The following TRA2A variants were observed in gnomAD, a reference collection of about 807,000 sequenced individuals.
The protein encoded by TRA2A is transformer 2 alpha homolog, also known as transformer-2 protein homolog alpha.
TRA2A carries 31 observed loss-of-function variants against 45.7 expected under a neutral mutation model. The ratio of observed to expected loss-of-function variants is 0.68; its 90% CI spans 0.51 to 0.92. The LOEUF (loss-of-function observed/expected upper bound fraction) is 0.92. Among genes scored for constraint, TRA2A ranks in the 40% least tolerant of loss-of-function variants. The pLI, the probability that TRA2A is intolerant of heterozygous loss-of-function variation, is 0.00. For synonymous variants in TRA2A, 132 were observed against 126.2 expected, an observed-to-expected ratio of 1.05 and a Z score of -0.31; for missense variants, 304 against 367.5, an observed-to-expected ratio of 0.83 and a Z score of 1.41.
intron 2 of TRA2A, among the ~76,000 whole-genome samples, chr7:23,519,370 G>A (rs1158590400): frequency 1.3e-5 from 2 of 151,938 alleles, no homozygotes; most frequent in Non-Finnish European, 2.9e-5. Flanking sequence ...GCGACAGAGT[G>A]AGACTCCGTC....
chr7:23,519,263 G>A (rs1028199240), intron 2 of TRA2A, among the ~76,000 whole-genome samples: 1 of 152,060 alleles, frequency 6.6e-6, no homozygotes, highest in Non-Finnish European at 1.5e-5. Flanking sequence ...TGTTGGTGGC[G>A]TGTGCCTGTA....
chr7:23,529,168 A>G (rs1436070867), intron 1 of TRA2A, among the ~76,000 whole-genome samples: 1 of 152,196 alleles, frequency 6.6e-6, no homozygotes, highest in Non-Finnish European at 1.5e-5. Flanking sequence ...AGCTGTATTG[A>G]GGCAAACAAC....
chr7:23,513,364 T>TCCCAGCA (rs758415357), intron 3 of TRA2A, among the ~76,000 whole-genome samples: 1 of 152,178 alleles, frequency 6.6e-6, no homozygotes, highest in Non-Finnish European at 1.5e-5. Context: ...AATCTTGTAA[T>TCCCAGCA]CCCAGCATTT....
At chr7:23,524,539 A>C (rs1178630191) in intron 1 of TRA2A, among the ~76,000 whole-genome samples, 3 of 152,058 alleles carry the variant, frequency 2.0e-5, no homozygotes, top group African/African-American at 7.2e-5. Flanking sequence ...GGTGTCACAA[A>C]TACCTAACCT....
intron 4 of TRA2A, among the ~76,000 whole-genome samples, chr7:23,509,013 CAT>C (rs1229132462): frequency 6.6e-6 from 1 of 151,812 alleles, no homozygotes; most frequent in African/African-American, 2.4e-5. Flanking sequence ...CTCTCACACA[CAT>C]ATATATATTT....
rs567187750 is a variant in TRA2A at position 23,511,370 on chromosome 7, C to CAAAAAAAAAAA, written c.525+1513_525+1523dup. Among the ~76,000 whole-genome samples the CAAAAAAAAAAA allele has an allele frequency of 5.2e-4, 21 of 40,108 alleles. 2 individuals carry two copies. Among genetic ancestry groups the CAAAAAAAAAAA allele is most frequent in the South Asian group, 1.4e-3 (1 of 720 alleles). 26.3% of individuals were successfully genotyped at this position (40,108 alleles called of 152,430 possible). ...TGGGCGACAGAGCGAGACTCCATCT[C>CAAAAAAAAAAA]AAAAAAAAAAAAAAAAAAAAAAAAA... is the stretch of plus-strand genomic sequence containing the variant. On this transcript the variant is annotated intron_variant, in intron 4 of 7. Transcript: ENST00000297071.
At chr7:23,525,449 G>T (rs901034560) in intron 1 of TRA2A, among the ~76,000 whole-genome samples, 4 of 152,126 alleles carry the variant, frequency 2.6e-5, no homozygotes, top group Admixed American at 1.3e-4. Flanking sequence ...AAAATACACT[G>T]CCCGGTTTAA....
At chr7:23,511,422 A>G (rs1229692656) in intron 4 of TRA2A, among the ~76,000 whole-genome samples, 1 of 141,304 alleles carries the variant, frequency 7.1e-6, no homozygotes, top group Non-Finnish European at 1.5e-5. Context: ...AAAAGAAAAG[A>G]AAAGAAAAAC....
chr7:23,522,024 T>A (rs1790158275), intron 1 of TRA2A, 184 bp from the exon 2 acceptor site: 3 of 1,400,904 alleles, frequency 2.1e-6, no homozygotes, highest in Non-Finnish European at 2.8e-6. Flanking sequence ...CCTCAATAAT[T>A]CCCTACTTGA....
chr7:23,510,224 C>A (rs1291093733), intron 4 of TRA2A, among the ~76,000 whole-genome samples: 4 of 152,178 alleles, frequency 2.6e-5, no homozygotes, highest in African/African-American at 9.7e-5. Flanking sequence ...AGCCTCGTCA[C>A]CCCGCTCCTT....
At chr7:23,529,368 C>A (rs1790472354) in intron 1 of TRA2A, among the ~76,000 whole-genome samples, 1 of 152,154 alleles carries the variant, frequency 6.6e-6, no homozygotes. Context: ...TCAAGTAATT[C>A]TCCTGCCTCA....
At chr7:23,524,785 G>A (rs145951358) in intron 1 of TRA2A, among the ~76,000 whole-genome samples, 5 of 151,648 alleles carry the variant, frequency 3.3e-5, no homozygotes, top group Non-Finnish European at 7.4e-5. Context: ...TCCGCCTCCC[G>A]GATTCAAGCG....
At chr7:23,523,725 T>A (rs190577307) in intron 1 of TRA2A, among the ~76,000 whole-genome samples, 1 of 152,242 alleles carries the variant, frequency 6.6e-6, no homozygotes, top group African/African-American at 2.4e-5. Context: ...ACTCAACAGA[T>A]GTCTGGAGCA....
chr7:23,521,229 G>A (rs1259889296), intron 2 of TRA2A, among the ~76,000 whole-genome samples: 1 of 152,038 alleles, frequency 6.6e-6, no homozygotes, highest in African/African-American at 2.4e-5. Context: ...TGACCAACCA[G>A]CATAGCATAC....
At chr7:23,518,563 G>A (rs549811622) in intron 2 of TRA2A, among the ~76,000 whole-genome samples, 2 of 151,578 alleles carry the variant, frequency 1.3e-5, no homozygotes, top group Admixed American at 6.6e-5. Context: ...GGTTGGTCTC[G>A]AACTCCTGAC....
chr7:23,531,000 AAAG>A (rs1433714104), intron 1 of TRA2A, among the ~76,000 whole-genome samples: 3 of 152,144 alleles, frequency 2.0e-5, no homozygotes, highest in African/African-American at 4.8e-5. Flanking sequence ...GTTGAGATAT[AAAG>A]AAGAGAAAAA....
In TRA2A at chr7:23,516,369, G is replaced by GC; in HGVS notation, c.329dup (p.Ser111GlnfsTer27). On this transcript the variant is annotated frameshift_variant, in exon 3 of 8. Transcript: ENST00000297071. LOFTEE classifies it high-confidence loss of function. ...ACTTTTATAAACCACGTACCCTGCT[G>GC]CCAGTATGTCTTCTCCGGTTAGACA... The GC allele has an allele frequency of 6.2e-7, 1 of 1,614,176 alleles. No homozygotes were observed. Among genetic ancestry groups the GC allele is most frequent in the South Asian group, 1.1e-5 (1 of 91,080 alleles).
Position 23,516,480 on chromosome 7 carries a change from G to A in TRA2A, c.219C>T (p.Ser73=), listed in dbSNP as rs1789877888. 6.2e-7 allele frequency: 1 copy of A among 1,614,194 alleles called. No homozygotes were observed. The change falls in exon 3 of 8, where the codon TCC becomes TCT. Residue 73 remains serine, a synonymous_variant. Transcript: ENST00000297071. ...HSHRRYTRSR[S]HSHSHRRRSR... ...ATCGTCTCCTATGAGAGTGAGAGTG[G>A]GATCTGGATCGAGTGTAACGTCTAT...
chr7:23,504,981 A>T lies in TRA2A; in HGVS notation c.*578T>A, dbSNP rs1167262785. 2.6e-5 allele frequency: 4 copies of T among 152,584 alleles called. No homozygotes were observed. The highest frequency in any genetic ancestry group is 2.9e-5 in the Non-Finnish European group (2 of 68,056). 9.5% of individuals were successfully genotyped at this position (152,584 alleles called of 1,614,324 possible). A position where few individuals can be genotyped will look rare whatever the true frequency, so the allele number is the denominator to read the frequency against. On this transcript the variant is annotated 3_prime_UTR_variant, in exon 8 of 8. Coordinates refer to ENST00000297071, the MANE Select transcript of TRA2A (RefSeq NM_013293.5). ...AACTTCAATAAACTTAACAACAACAAAAAAAATCACACTTTAGTTTTTAAG... is the reference window on the plus strand; with the variant it reads ...AACTTCAATAAACTTAACAACAACATAAAAAATCACACTTTAGTTTTTAAG...
Sources: gnomAD v4.1 joint callset for allele counts (sites outside exome capture counted in the v4.1 genomes callset) on GRCh38, gnomAD v4.1.1 for gene constraint, MANE v1.5 for transcripts, NCBI Gene and HGNC (gene_info 2026-07-23, HGNC 2026-07-21) for gene names.